Variants in OR3A3 observed in about 807,000 individuals in gnomAD.
OR3A3 encodes the protein olfactory receptor 3A3.
For synonymous variants in OR3A3, 103 were observed against 163.9 expected (o/e 0.63, Z 2.84); for missense variants, 275 against 391.4 (o/e 0.70, Z 2.51).
chr17:3,414,841 C>T (rs1378037116), intron 2 of OR3A3, among the ~76,000 whole-genome samples: 1 of 152,112 alleles, frequency 6.6e-6, no homozygotes. Context: ...TTGAAATTTA[C>T]AAGTCGTAGC....
chr17:3,419,543 G>A (rs188586813), intron 2 of OR3A3, among the ~76,000 whole-genome samples: 6 of 152,210 alleles, frequency 3.9e-5, no homozygotes, highest in African/African-American at 1.4e-4. Flanking sequence ...ACAAAAATGA[G>A]TTGTTGAAGG....
At chr17:3,418,435 T>G (rs1341461488) in intron 2 of OR3A3, among the ~76,000 whole-genome samples, 1 of 152,192 alleles carries the variant, frequency 6.6e-6, no homozygotes, top group Non-Finnish European at 1.5e-5. Context: ...ACAAGGCAGT[T>G]TTCTTGCTTT....
chr17:3,416,453 CA>C (rs56117626), intron 2 of OR3A3, among the ~76,000 whole-genome samples: 10 of 147,792 alleles, frequency 6.8e-5, no homozygotes, highest in Admixed American at 1.3e-4. Flanking sequence ...GCACACTTCG[CA>C]AAAAAAAAAT....
At chr17:3,413,841 A>AC (rs1376197214) in intron 2 of OR3A3, among the ~76,000 whole-genome samples, 1 of 145,362 alleles carries the variant, frequency 6.9e-6, no homozygotes, top group African/African-American at 2.7e-5. Context: ...AAAAAAACAA[A>AC]AAACAAAAAA....
At chr17:3,415,776 ATTT>A (rs1198082473) in intron 2 of OR3A3, among the ~76,000 whole-genome samples, 1 of 143,362 alleles carries the variant, frequency 7.0e-6, no homozygotes, top group African/African-American at 2.6e-5. Flanking sequence ...GTTTTATTTT[ATTT>A]TTTATTTACT....
At chr17:3,419,768 C>G (rs1441010275) in intron 2 of OR3A3, among the ~76,000 whole-genome samples, 1 of 123,258 alleles carries the variant, frequency 8.1e-6, no homozygotes, top group Admixed American at 1.0e-4. Flanking sequence ...GAGTCTCACT[C>G]TGTCGCCCAG....
At chr17:3,412,836 A>T (rs930619880) in intron 2 of OR3A3, among the ~76,000 whole-genome samples, 1 of 152,140 alleles carries the variant, frequency 6.6e-6, no homozygotes, top group Admixed American at 6.5e-5. Flanking sequence ...GTTAACACAA[A>T]GGAGTCCCTG....
At chr17:3,419,795 G>T (rs1009790581) in intron 2 of OR3A3, among the ~76,000 whole-genome samples, 5 of 141,912 alleles carry the variant, frequency 3.5e-5, no homozygotes, top group Non-Finnish European at 6.0e-5. Flanking sequence ...GTGCAGTGGC[G>T]CGATCTCGGC....
chr17:3,414,079 CTTT>C, intron 2 of OR3A3, among the ~76,000 whole-genome samples: 1 of 151,794 alleles, frequency 6.6e-6, no homozygotes, highest in Non-Finnish European at 1.5e-5. Context: ...TACCTTGACT[CTTT>C]TTTTTGAGAC....
exon 3 of OR3A3, chr17:3,421,456 C>G (rs2072434526): frequency 1.3e-6 from 2 of 1,590,430 alleles, no homozygotes; most frequent in African/African-American, 1.3e-5. Context: ...GCTGAACCCA[C>G]TTATCTACAG....
At chr17:3,418,160 A>G (rs534107598) in intron 2 of OR3A3, among the ~76,000 whole-genome samples, 28 of 151,854 alleles carry the variant, frequency 1.8e-4, no homozygotes, top group African/African-American at 6.3e-4. Context: ...CTATGCCACA[A>G]TTTTTCTTCT....
intron 2 of OR3A3, among the ~76,000 whole-genome samples, chr17:3,414,606 T>C (rs1308433946): frequency 6.6e-6 from 1 of 152,164 alleles, no homozygotes; most frequent in Non-Finnish European, 1.5e-5. Context: ...AGCAATGCGA[T>C]CAGAGACCAC....
At chr17:3,421,685 C>A (rs915541496) in exon 3 of OR3A3, 4 of 719,282 alleles carry the variant, frequency 5.6e-6, no homozygotes, top group Non-Finnish European at 8.5e-6. Flanking sequence ...CTATATAATT[C>A]ATTCATTTAT....
chr17:3,414,944 C>A (rs1299875860), intron 2 of OR3A3, among the ~76,000 whole-genome samples: 3 of 151,936 alleles, frequency 2.0e-5, no homozygotes, highest in African/African-American at 7.3e-5. Flanking sequence ...CATTTAAAAT[C>A]TCCAATGAAA....
At chr17:3,413,116 G>C (rs192324005) in intron 2 of OR3A3, among the ~76,000 whole-genome samples, 20 of 152,324 alleles carry the variant, frequency 1.3e-4, no homozygotes, top group Admixed American at 1.2e-3. Flanking sequence ...AGAAAGATAT[G>C]TTCTATAGAG....
chr17:3,421,238 G>A lies in OR3A3; in HGVS notation c.653G>A (p.Ser218Asn), dbSNP rs143627345. 25 of 1,614,184 alleles carry A rather than the reference G, an allele frequency of 1.5e-5. No homozygotes were observed. In the African/African-American group the frequency reaches 2.8e-4, roughly 18 times the overall value. The stretch of plus-strand genomic sequence containing the variant: ...GCTGTGGCACCCTTGGTCTTCATCA[G>A]TGTGTCCTATGCCCATGTGGTAGCT... The change falls in exon 3 of 3, where the codon AGT (serine) becomes AAT (asparagine). Residue 218 changes from serine (S) to asparagine (N), a missense_variant. Coordinates refer to ENST00000641141, the Ensembl canonical transcript of OR3A3.
chr17:3,411,704 T>C (rs974005078), intron 1 of OR3A3, among the ~76,000 whole-genome samples: 6 of 152,146 alleles, frequency 3.9e-5, no homozygotes, highest in East Asian at 1.9e-4. Context: ...AGAAAATGTC[T>C]CCTTAGAAAG....
At chr17:3,421,842 T>TA (rs1401804578) in exon 3 of OR3A3, 16 of 233,766 alleles carry the variant, frequency 6.8e-5, no homozygotes, top group Non-Finnish European at 1.3e-4. Flanking sequence ...TCATATATAG[T>TA]ATACCACATG....
chr17:3,421,788 G>A, exon 3 of OR3A3: 1 of 391,388 alleles, frequency 2.6e-6, no homozygotes, highest in Non-Finnish European at 4.5e-6. Flanking sequence ...CTGCACTCAA[G>A]CAAATCACAT....
Sources: gnomAD v4.1 joint callset for allele counts (sites outside exome capture counted in the v4.1 genomes callset) on GRCh38, gnomAD v4.1.1 for gene constraint, MANE v1.5 for transcripts, NCBI Gene and HGNC (gene_info 2026-07-23, HGNC 2026-07-21) for gene names.